DNAJC27: variants seen among roughly 807,000 people sequenced by gnomAD.
DNAJC27 encodes DnaJ heat shock protein family (Hsp40) member C27.
In DNAJC27, 25 loss-of-function variants were observed where a neutral mutation model predicts 31.4. That is an observed-to-expected ratio of 0.80 (90% confidence interval 0.58 to 1.11). DNAJC27 has a LOEUF of 1.11. Among genes scored for constraint, DNAJC27 ranks in the 50% most tolerant of loss-of-function variants. DNAJC27 has a pLI of 0.00. For synonymous variants in DNAJC27, 106 were observed against 112.7 expected (o/e 0.94, Z 0.37); for missense variants, 356 against 347.3 (o/e 1.02, Z -0.20).
chr2:24,963,522 C>A, intron 2 of DNAJC27, 48 bp from the exon 3 acceptor site: 1 of 1,469,960 alleles, frequency 6.8e-7, no homozygotes, highest in South Asian at 1.2e-5. Flanking sequence ...ATGGTTTCTC[C>A]ATTTACCTTA....
intron 6 of DNAJC27, 84 bp from the exon 7 acceptor site, chr2:24,947,832 T>G: frequency 1.4e-6 from 2 of 1,449,918 alleles, no homozygotes; most frequent in Non-Finnish European, 1.9e-6. Flanking sequence ...ACATAGTATC[T>G]CTTACAGTGA....
intron 6 of DNAJC27, among the ~76,000 whole-genome samples, chr2:24,949,398 G>A (rs1206646274): frequency 1.3e-5 from 2 of 152,156 alleles, no homozygotes; most frequent in Non-Finnish European, 2.9e-5. Flanking sequence ...AGTTACACCC[G>A]GTCCTCTGCA....
At position 24,965,903 on chromosome 2, in the gene DNAJC27, A is replaced by G. The variant is rs529731670; in HGVS notation, c.170+1308T>C. On this transcript the variant is annotated intron_variant, in intron 2 of 6. Transcript: ENST00000264711. ...CTTACCTAACAATAAATATTTATTGAGTACCTATTAGGTATAAGCACTATG... is the reference window on the plus strand; with the variant it reads ...CTTACCTAACAATAAATATTTATTGGGTACCTATTAGGTATAAGCACTATG... Among the ~76,000 whole-genome samples the G allele has an allele frequency of 2.8e-3, 426 of 152,314 alleles. 2 individuals carry two copies. Among genetic ancestry groups the G allele is most frequent in the Non-Finnish European group, 5.1e-3 (348 of 68,020 alleles).
rs1355437438 is a variant in DNAJC27, at chr2:24,944,058, T to G, written c.*3558A>C. ...TTACAATTGTGCTAAATACCAATTA[T>G]GAGAAGTACGAACCTCTCTTCACTT... On this transcript the variant is annotated 3_prime_UTR_variant, in exon 7 of 7. Transcript: ENST00000264711. The G allele has an allele frequency of 1.3e-5, 2 of 152,270 alleles. No homozygotes were observed. The highest frequency in any genetic ancestry group is 2.9e-5 in the Non-Finnish European group (2 of 68,046). The allele number at this position is 152,270 out of a possible 1,614,324, so 9.4% of individuals were successfully genotyped here.
upstream of DNAJC27, chr2:24,971,958 C>T: frequency 1.5e-6 from 2 of 1,378,494 alleles, no homozygotes; most frequent in Non-Finnish European, 9.7e-7. Flanking sequence ...GCACCGCTGG[C>T]CCGTCCCTCA....
In DNAJC27 at chr2:24,946,799, T is replaced by C. The variant is rs1049348870; in HGVS notation, c.*817A>G. On this transcript the variant is annotated 3_prime_UTR_variant, in exon 7 of 7. Transcript: ENST00000264711. ...AGCTGGGACTACAGGCGGATACTAC[T>C]GCAGCTGGCTCCTCCAAGTACTTCT... The C allele has an allele frequency of 1.3e-5, 2 of 152,216 alleles. No individual in the cohort carries two copies. The highest frequency in any genetic ancestry group is 2.4e-5 in the African/African-American group (1 of 41,436). The allele number at this position is 152,216 out of a possible 1,614,324, so 9.4% of individuals were successfully genotyped here.
chr2:24,967,370 T>C (rs1026099454), intron 1 of DNAJC27, 77 bp from the exon 2 acceptor site: 1 of 1,111,886 alleles, frequency 9.0e-7, no homozygotes, highest in Non-Finnish European at 1.3e-6. Context: ...TTCTTCATTA[T>C]GGTTCCTCCA....
intron 3 of DNAJC27, among the ~76,000 whole-genome samples, chr2:24,959,060 A>G (rs1199312778): frequency 1.3e-5 from 2 of 152,200 alleles, no homozygotes; most frequent in East Asian, 1.9e-4. Flanking sequence ...GCTATCCCCT[A>G]AAGTTAAAAC....
At chr2:24,954,680 G>A (rs1665862260) in intron 5 of DNAJC27, among the ~76,000 whole-genome samples, 3 of 152,210 alleles carry the variant, frequency 2.0e-5, no homozygotes, top group Non-Finnish European at 4.4e-5. Flanking sequence ...GCTCATGCCT[G>A]TAATCCCAGC....
intron 3 of DNAJC27, among the ~76,000 whole-genome samples, chr2:24,961,574 T>C (rs957573825): frequency 2.6e-5 from 4 of 151,854 alleles, no homozygotes; most frequent in African/African-American, 9.7e-5. Context: ...ATTAAGAACA[T>C]TCGTGATTCA....
chr2:24,967,301 G>A lies in DNAJC27; in HGVS notation c.88-8C>T. 6.3e-7 allele frequency: 1 copy of A among 1,594,310 alleles called. No individual in the cohort carries two copies. Among genetic ancestry groups the A allele is most frequent in the Non-Finnish European group, 8.6e-7 (1 of 1,163,560 alleles). On this transcript the variant is annotated splice_region_variant and splice_polypyrimidine_tract_variant and intron_variant, in intron 1 of 6. Coordinates refer to ENST00000264711, the MANE Select transcript of DNAJC27 (RefSeq NM_016544.3). ...TCGCTTTATAATACAGCTCTAAAAA[G>A]GTAAAAAATACAGGCATTTAGTAAA...
At chr2:24,963,264 G>A (rs1666093144) in intron 3 of DNAJC27, 141 bp downstream of exon 3, 2 of 534,104 alleles carry the variant, frequency 3.7e-6, no homozygotes, top group Non-Finnish European at 6.6e-6. Context: ...TTAACTCAAG[G>A]CTCTGAAGGC....
intron 5 of DNAJC27, 35 bp from the exon 6 acceptor site, chr2:24,951,589 A>G: frequency 6.4e-7 from 1 of 1,568,274 alleles, no homozygotes; most frequent in Non-Finnish European, 8.7e-7. Context: ...GGTAGAAATG[A>G]TTTTGTGAAA....
At chr2:24,950,349 G>A (rs539456632) in intron 6 of DNAJC27, among the ~76,000 whole-genome samples, 1 of 152,266 alleles carries the variant, frequency 6.6e-6, no homozygotes, top group Non-Finnish European at 1.5e-5. Context: ...GAATCAAGGT[G>A]AAAAAGTAGG....
chr2:24,966,811 T>C (rs2149130961), intron 2 of DNAJC27, among the ~76,000 whole-genome samples: 1 of 152,316 alleles, frequency 6.6e-6, no homozygotes, highest in Middle Eastern at 3.4e-3. Context: ...AAAAAACTTC[T>C]CTGGTAGAAA....
intron 5 of DNAJC27, among the ~76,000 whole-genome samples, chr2:24,953,342 G>T (rs745334747): frequency 5.9e-5 from 9 of 152,198 alleles, no homozygotes; most frequent in African/African-American, 2.2e-4. Flanking sequence ...GTCTGAAAAG[G>T]GGTGTCAAAG....
intron 2 of DNAJC27, among the ~76,000 whole-genome samples, chr2:24,963,684 A>C (rs1169509259): frequency 1.3e-5 from 2 of 152,216 alleles, no homozygotes; most frequent in Non-Finnish European, 2.9e-5. Flanking sequence ...ACCCACATGG[A>C]GTAGGCATTC....
chr2:24,963,426 A>T lies in DNAJC27; in HGVS notation c.219T>A (p.Ala73=). 1 of 1,613,912 alleles carries T rather than the reference A, an allele frequency of 6.2e-7. No homozygotes were observed. The highest frequency in any genetic ancestry group is 8.5e-7 in the Non-Finnish European group (1 of 1,179,846). ...TTACCTCATAGAAGAAGGGATGTCC[A>T]GCCATATCAAAGATGTTAACTTTGA... is the stretch of plus-strand genomic sequence containing the variant. ...REIKVNIFDM[A]GHPFFYEVRN... is the part of the protein sequence containing the mutation. The change falls in exon 3 of 7, where the codon GCT becomes GCA. Residue 73 remains alanine, a synonymous_variant. Coordinates refer to ENST00000264711, the MANE Select transcript of DNAJC27 (RefSeq NM_016544.3).
rs983769590 is a variant in DNAJC27, at chr2:24,944,376, A to C, written c.*3240T>G. The C allele has an allele frequency of 6.8e-6, 1 of 146,380 alleles. No individual in the cohort carries two copies. The highest frequency in any genetic ancestry group is 1.5e-5 in the Non-Finnish European group (1 of 66,530). 9.1% of individuals were successfully genotyped at this position (146,380 alleles called of 1,614,324 possible). On this transcript the variant is annotated 3_prime_UTR_variant, in exon 7 of 7. Coordinates refer to ENST00000264711, the MANE Select transcript of DNAJC27 (RefSeq NM_016544.3). ...CCTTTTTTTTTTTTTTCTTTTTTTT[A>C]AAAAACTGATTCAGAGCTTGCAGTG...
Sources: gnomAD v4.1 joint callset for allele counts (sites outside exome capture counted in the v4.1 genomes callset) on GRCh38, gnomAD v4.1.1 for gene constraint, MANE v1.5 for transcripts, NCBI Gene and HGNC (gene_info 2026-07-23, HGNC 2026-07-21) for gene names.